VWF: variants seen among roughly 807,000 people sequenced by gnomAD.
VWF encodes the protein Factor VIII related antigen.
Under a neutral mutation model 308.6 loss-of-function variants are expected in VWF, and 176 were observed. The observed-to-expected ratio is 0.57, with a 90% CI of 0.50 to 0.65. The LOEUF (loss-of-function observed/expected upper bound fraction) is 0.65, where lower values mean the gene tolerates loss of function less well. Ranked by LOEUF, VWF falls within the 30% of genes least tolerant of loss-of-function variation. The pLI, the probability that VWF is intolerant of heterozygous loss-of-function variation, is 0.00. For synonymous variants in VWF, 1,385 were observed against 1,443.4 expected (o/e 0.96, Z 0.92); for missense variants, 3,146 against 3,648.2 (o/e 0.86, Z 3.55).
At position 5,971,605 on chromosome 12, in the gene VWF, C is replaced by A; in HGVS notation, c.7542G>T (p.Trp2514Cys). 1 of 1,614,078 alleles carries A rather than the reference C, an allele frequency of 6.2e-7. No homozygotes were observed. Among genetic ancestry groups the A allele is most frequent in the South Asian group, 1.1e-5 (1 of 91,088 alleles). The change falls in exon 44 of 52, where the codon TGG (tryptophan) becomes TGT (cysteine). Residue 2514 changes from tryptophan (W) to cysteine (C), a missense_variant. Physicochemically the swap from Trp to Cys is radical, Grantham distance 215 (BLOSUM62 -2). This residue lies in a region of VWF where 989 missense variants were observed against 1,117.4 expected (regional missense o/e 0.89). Coordinates refer to ENST00000261405, the MANE Select transcript of VWF (RefSeq NM_000552.5). ...CCCGGGGGCCTGGACCTACACTCTT[C>A]CAGGAAGACTGGGAGTCCCCCCGCG... ...GSPRGDSQSS[W>C]KSVGSQWASP...
At chr12:5,961,927 G>A (rs1403422032) in intron 47 of VWF, among the ~76,000 whole-genome samples, 1 of 151,934 alleles carries the variant, frequency 6.6e-6, no homozygotes, top group Non-Finnish European at 1.5e-5. Flanking sequence ...AAGTCATGAG[G>A]GCTCCACTCT....
intron 47 of VWF, among the ~76,000 whole-genome samples, chr12:5,955,278 A>G (rs2136341779): frequency 6.6e-6 from 1 of 152,014 alleles, no homozygotes; most frequent in East Asian, 1.9e-4. Context: ...CAGGTTAGTT[A>G]CGTATGTATA....
At chr12:6,087,633 G>A (rs891303118) in intron 6 of VWF, among the ~76,000 whole-genome samples, 42 of 151,684 alleles carry the variant, frequency 2.8e-4, no homozygotes, top group African/African-American at 9.2e-4. Flanking sequence ...CCAAAGTGCC[G>A]GGATTACAGG....
chr12:6,067,130 G>C (rs1243920215), intron 10 of VWF, among the ~76,000 whole-genome samples: 1 of 152,180 alleles, frequency 6.6e-6, no homozygotes, highest in African/African-American at 2.4e-5. Flanking sequence ...GACAGAGCAG[G>C]CCACAAGATA....
chr12:6,053,519 A>T (rs1357259100), intron 15 of VWF, among the ~76,000 whole-genome samples: 1 of 152,196 alleles, frequency 6.6e-6, no homozygotes, highest in Non-Finnish European at 1.5e-5. Flanking sequence ...AATGGGCTGC[A>T]CCCATCTGCC....
intron 6 of VWF, among the ~76,000 whole-genome samples, chr12:6,092,628 T>TGAGAGAGAGAGAGAGAGAGAGAGA (rs1565386731): frequency 5.4e-4 from 43 of 80,222 alleles, no homozygotes; most frequent in African/African-American, 3.0e-3. Flanking sequence ...AGTGTGTGTG[T>TGAGAGAGAGAGAGAGAGAGAGAGA]GTGTGTGTGT....
intron 32 of VWF, among the ~76,000 whole-genome samples, 154 bp from the exon 33 acceptor site, chr12:6,012,284 A>G (rs60347506): frequency 0.036 from 5,548 of 152,350 alleles, 313 homozygotes; most frequent in African/African-American, 0.12. Context: ...ACATAGGGAC[A>G]TGAGGCTGAG....
chr12:6,019,717 C>T lies in VWF; in HGVS notation c.3701G>A (p.Cys1234Tyr). The T allele has an allele frequency of 6.2e-7, 1 of 1,613,504 alleles. No homozygotes were observed. ...ICHCDVVNLT[C>Y]EACQEPGGLV... The stretch of plus-strand genomic sequence containing the variant: ...GCCTCCCGGCTCCTGGCAGGCTTCA[C>T]AGGTGAGGTTGACAACATCACAGTG... The change falls in exon 28 of 52, where the codon TGT (cysteine) becomes TAT (tyrosine). Residue 1234 changes from cysteine (C) to tyrosine (Y), a missense_variant. Cys to Tyr is a radical substitution (Grantham distance 194). Around this residue, in one of 3 missense-constraint regions of VWF, gnomAD observed 853 missense variants for 1,177.8 expected, o/e 0.72. Transcript: ENST00000261405. The surrounding 1 kb of genome is among the most constrained non-coding windows in gnomAD (Gnocchi z 5.8).
chr12:6,106,672 C>T (rs1945247687), intron 5 of VWF, among the ~76,000 whole-genome samples: 1 of 151,946 alleles, frequency 6.6e-6, no homozygotes, highest in South Asian at 2.1e-4. Flanking sequence ...GTCAGGAGTT[C>T]AAGAGCAGCC....
At chr12:6,084,295 T>C (rs1433222982) in intron 6 of VWF, among the ~76,000 whole-genome samples, 1 of 152,184 alleles carries the variant, frequency 6.6e-6, no homozygotes, top group Non-Finnish European at 1.5e-5. Flanking sequence ...GGCCAGCTAA[T>C]TTGCACACTT....
intron 3 of VWF, among the ~76,000 whole-genome samples, chr12:6,116,291 G>GT (rs1945365856): frequency 1.3e-5 from 2 of 152,238 alleles, no homozygotes; most frequent in Admixed American, 6.5e-5. Context: ...AAGGCGCTGA[G>GT]TGAGGAGTAA....
chr12:6,084,861 G>A (rs1482101653), intron 6 of VWF, among the ~76,000 whole-genome samples: 3 of 152,082 alleles, frequency 2.0e-5, no homozygotes, highest in East Asian at 3.9e-4. Context: ...TCATTGGTCA[G>A]CTGTAATGAT....
intron 35 of VWF, among the ~76,000 whole-genome samples, chr12:5,994,881 T>C (rs1196618452): frequency 1.3e-5 from 2 of 152,158 alleles, no homozygotes; most frequent in Admixed American, 6.5e-5. Flanking sequence ...AAAAGGAACC[T>C]TGAGTCTATG....
At chr12:6,079,114 C>G (rs1287352319) in intron 6 of VWF, among the ~76,000 whole-genome samples, 1 of 152,216 alleles carries the variant, frequency 6.6e-6, no homozygotes, top group Non-Finnish European at 1.5e-5. Flanking sequence ...TTCAGTCTTC[C>G]TCTGGTCAGG....
intron 13 of VWF, among the ~76,000 whole-genome samples, chr12:6,059,651 C>G (rs1402199540): frequency 6.6e-6 from 1 of 152,022 alleles, no homozygotes; most frequent in Non-Finnish European, 1.5e-5. Flanking sequence ...TTTAAAAGGG[C>G]ACAAATCTCA....
At position 6,075,577 on chromosome 12, in the gene VWF, G is replaced by T. The variant is rs763195507; in HGVS notation, c.658-26C>A. Reference sequence around the variant, plus strand: ...CTGCAGGAAGAGGGGCCGCCTCAGCGGTATGCTCCGTTAGTGTCTCCCTGA... The same window carrying T: ...CTGCAGGAAGAGGGGCCGCCTCAGCTGTATGCTCCGTTAGTGTCTCCCTGA... On this transcript the variant is annotated intron_variant, in intron 6 of 51. Coordinates refer to ENST00000261405, the MANE Select transcript of VWF (RefSeq NM_000552.5). This position sits in a 1 kb window ranked among gnomAD's most constrained non-coding sequence, Gnocchi z 4.7. 3 of 1,603,272 alleles carry T rather than the reference G, an allele frequency of 1.9e-6. No individual in the cohort carries two copies. The South Asian group carries it at 3.3e-5, about 18-fold the overall frequency.
intron 28 of VWF, 142 bp from the exon 29 acceptor site, chr12:6,017,012 G>A: frequency 2.3e-6 from 2 of 853,446 alleles, no homozygotes; most frequent in East Asian, 2.4e-5. Flanking sequence ...GCCTTCGTGA[G>A]TACAAGGGCA....
chr12:6,053,426 A>G (rs924734472), intron 15 of VWF, among the ~76,000 whole-genome samples: 20 of 152,106 alleles, frequency 1.3e-4, no homozygotes, highest in African/African-American at 4.8e-4. Context: ...CATGCTCATA[A>G]CCCTTACTCT....
chr12:5,981,810 G>C lies in VWF; in HGVS notation c.7263C>G (p.Thr2421=). 1 of 1,614,142 alleles carries C rather than the reference G, an allele frequency of 6.2e-7. No individual in the cohort carries two copies. Among genetic ancestry groups the C allele is most frequent in the Non-Finnish European group, 8.5e-7 (1 of 1,180,020 alleles). ...CCTTGTCGGGAAGGCAGGTGGTTGT[G>C]GTACAGCCACAGTCATTGGTGGCAG... ...ASTATNDCGC[T]TTTCLPDKVC... is the part of the protein sequence containing the mutation. The change falls in exon 42 of 52, where the codon ACC becomes ACG. Residue 2421 remains threonine (T), a synonymous_variant. Coordinates refer to ENST00000261405, the MANE Select transcript of VWF (RefSeq NM_000552.5).
Sources: gnomAD v4.1 joint callset for allele counts (sites outside exome capture counted in the v4.1 genomes callset) on GRCh38, gnomAD v4.1.1 for gene constraint, gnomAD v4.1.1 regional missense constraint, Gnocchi (gnomAD v3.1) non-coding constraint, MANE v1.5 for transcripts, NCBI Gene and HGNC (gene_info 2026-07-23, HGNC 2026-07-21) for gene names.